The following ANGPT1 variants were observed in gnomAD, a reference collection of about 807,000 sequenced individuals.
ANGPT1 encodes angiopoietin-1.
Under a neutral mutation model 62.2 loss-of-function variants are expected in ANGPT1, and 17 were observed. That is an observed-to-expected ratio of 0.27 (90% confidence interval 0.19 to 0.41). The LOEUF is 0.41. Ranked by LOEUF, ANGPT1 falls within the 10% of genes least tolerant of loss-of-function variation. The pLI is 1.00. For missense variants in ANGPT1, 478 were observed against 594.9 expected, an observed-to-expected ratio of 0.80 and a Z score of 2.04; for synonymous variants, 199 against 198.9, an observed-to-expected ratio of 1.00 and a Z score of 0.00.
chr8:107,253,730 C>A (rs538502605), intron 8 of ANGPT1, among the ~76,000 whole-genome samples: 2 of 152,156 alleles, frequency 1.3e-5, no homozygotes, highest in Admixed American at 1.3e-4. Flanking sequence ...GAAAGACAGA[C>A]GTCTGTTGCA....
intron 1 of ANGPT1, among the ~76,000 whole-genome samples, chr8:107,374,562 T>C (rs1425112520): frequency 1.3e-5 from 2 of 152,194 alleles, no homozygotes; most frequent in African/African-American, 4.8e-5. Context: ...GTTGTAGGAC[T>C]GGGCGGTTTT....
intron 1 of ANGPT1, among the ~76,000 whole-genome samples, chr8:107,371,080 C>T (rs1216814684): frequency 3.3e-5 from 5 of 152,040 alleles, no homozygotes; most frequent in Admixed American, 6.5e-5. Context: ...AACAGATAAT[C>T]GATGCAAACA....
intron 1 of ANGPT1, among the ~76,000 whole-genome samples, chr8:107,383,121 G>C (rs1199309615): frequency 6.6e-6 from 1 of 152,118 alleles, no homozygotes; most frequent in Admixed American, 6.6e-5. Flanking sequence ...CTGAGCTCCA[G>C]ATCCCTTTCT....
At chr8:107,281,768 G>A (rs1234352347) in intron 7 of ANGPT1, among the ~76,000 whole-genome samples, 1 of 152,096 alleles carries the variant, frequency 6.6e-6, no homozygotes, top group Non-Finnish European at 1.5e-5. Flanking sequence ...ATAAGAGTGA[G>A]ACTCCGTCTC....
At chr8:107,374,621 C>T (rs2130254229) in intron 1 of ANGPT1, among the ~76,000 whole-genome samples, 1 of 152,308 alleles carries the variant, frequency 6.6e-6, no homozygotes, top group African/African-American at 2.4e-5. Flanking sequence ...CACTTCTGGA[C>T]TATTTCTGTC....
At chr8:107,284,477 A>G (rs912324640) in intron 7 of ANGPT1, 3 of 353,756 alleles carry the variant, frequency 8.5e-6, no homozygotes, top group Non-Finnish European at 1.5e-5. Flanking sequence ...AATATCAAAG[A>G]TAGTCAACCT....
intron 4 of ANGPT1, among the ~76,000 whole-genome samples, chr8:107,311,185 G>C (rs1454811244): frequency 6.8e-6 from 1 of 147,710 alleles, no homozygotes; most frequent in Non-Finnish European, 1.5e-5. Context: ...GTGAGGAAAA[G>C]ACAGAAAATT....
chr8:107,391,698 G>T (rs1227451290), intron 1 of ANGPT1, among the ~76,000 whole-genome samples: 1 of 152,138 alleles, frequency 6.6e-6, no homozygotes. Context: ...AACCATCACA[G>T]AGTGTACTTA....
intron 7 of ANGPT1, among the ~76,000 whole-genome samples, chr8:107,264,980 G>C (rs563832545): frequency 2.6e-5 from 4 of 152,244 alleles, no homozygotes; most frequent in African/African-American, 7.2e-5. Flanking sequence ...CTACATACCA[G>C]TTATTGATCT....
intron 1 of ANGPT1, among the ~76,000 whole-genome samples, chr8:107,451,291 C>T (rs940199066): frequency 1.4e-5 from 2 of 146,114 alleles, no homozygotes; most frequent in Non-Finnish European, 3.0e-5. Flanking sequence ...ACCACTTACA[C>T]TTATACACTA....
intron 1 of ANGPT1, among the ~76,000 whole-genome samples, chr8:107,416,545 TA>T (rs1244783281): frequency 6.6e-6 from 1 of 152,138 alleles, no homozygotes; most frequent in Non-Finnish European, 1.5e-5. Flanking sequence ...AAGTTCTCCG[TA>T]CCCTGTCCTC....
chr8:107,336,028 A>T, intron 3 of ANGPT1, 122 bp downstream of exon 3: 1 of 883,542 alleles, frequency 1.1e-6, no homozygotes. Flanking sequence ...TATTAATATT[A>T]ATTTGGCTCT....
chr8:107,347,107 A>T lies in ANGPT1; in HGVS notation c.298-10T>A. The T allele has an allele frequency of 6.2e-7, 1 of 1,611,882 alleles. No homozygotes were observed. Among genetic ancestry groups the T allele is most frequent in the Non-Finnish European group, 8.5e-7 (1 of 1,178,708 alleles). Reference sequence around the variant, plus strand: ...CAATGTAATTCTCAAGCTGCAAGAGATAAAGAACAAAACATATTACATTAT... The same window carrying T: ...CAATGTAATTCTCAAGCTGCAAGAGTTAAAGAACAAAACATATTACATTAT... On this transcript the variant is annotated splice_polypyrimidine_tract_variant and intron_variant, in intron 1 of 8. Transcript: ENST00000517746.
chr8:107,364,975 A>AG (rs1361604940), intron 1 of ANGPT1, among the ~76,000 whole-genome samples: 6 of 151,750 alleles, frequency 4.0e-5, no homozygotes, highest in Non-Finnish European at 8.8e-5. Context: ...AAGGGGGAAA[A>AG]AAAAAGACAT....
intron 1 of ANGPT1, among the ~76,000 whole-genome samples, chr8:107,401,108 C>T (rs946597511): frequency 2.0e-5 from 3 of 152,126 alleles, no homozygotes; most frequent in South Asian, 2.1e-4. Context: ...ACTGGCATAG[C>T]GTTTTGAGTC....
intron 1 of ANGPT1, among the ~76,000 whole-genome samples, chr8:107,391,114 A>G (rs1816826719): frequency 6.6e-6 from 1 of 152,214 alleles, no homozygotes; most frequent in South Asian, 2.1e-4. Flanking sequence ...ATTAATTACT[A>G]CTAAAGACTT....
rs1026818901 is a variant in ANGPT1, at chr8:107,293,808, T to C, written c.1038+128A>G. 1.7e-5 allele frequency: 11 copies of C among 652,462 alleles called. No individual in the cohort carries two copies. The Admixed American group carries it at 3.5e-4, about 21-fold the overall frequency. The allele number at this position is 652,462 out of a possible 1,614,324, so 40.4% of individuals were successfully genotyped here. A position where few individuals can be genotyped will look rare whatever the true frequency, so the allele number is the denominator to read the frequency against. ...AGTGTTTTGTGTCTAATGAAAATAATACTAATGTATCATTTTATGTCAAAA... is the reference window on the plus strand; with the variant it reads ...AGTGTTTTGTGTCTAATGAAAATAACACTAATGTATCATTTTATGTCAAAA... On this transcript the variant is annotated intron_variant, in intron 6 of 8. Coordinates refer to ENST00000517746, the MANE Select transcript of ANGPT1 (RefSeq NM_001146.5).
intron 2 of ANGPT1, among the ~76,000 whole-genome samples, chr8:107,339,058 C>T (rs1815639848): frequency 1.3e-5 from 2 of 152,174 alleles, no homozygotes; most frequent in South Asian, 2.1e-4. Flanking sequence ...TTCCAAAAGA[C>T]AGTAAGTATT....
chr8:107,412,930 C>T (rs1810625941), intron 1 of ANGPT1, among the ~76,000 whole-genome samples: 1 of 152,010 alleles, frequency 6.6e-6, no homozygotes, highest in South Asian at 2.1e-4. Context: ...TATTAAGTTC[C>T]TATGATGTGC....
Sources: allele counts gnomAD v4.1 joint callset (sites outside exome capture counted in the v4.1 genomes callset), GRCh38; gene constraint gnomAD v4.1.1; transcripts MANE v1.5; gene names NCBI Gene and HGNC (gene_info 2026-07-23, HGNC 2026-07-21).